DYNC2I1: variants seen among roughly 807,000 people sequenced by gnomAD.
DYNC2I1 encodes dynein 2 intermediate chain 1.
A neutral mutation model predicts 133.4 loss-of-function variants in DYNC2I1; 89 were observed. The observed-to-expected ratio is 0.67, with a 90% CI of 0.56 to 0.80. The LOEUF (loss-of-function observed/expected upper bound fraction) is 0.80, where lower values mean the gene tolerates loss of function less well. Ranked by LOEUF, DYNC2I1 falls within the 30% of genes least tolerant of loss-of-function variation. The probability of loss-of-function intolerance (pLI) is 0.00; values close to 1 mark genes in which losing one functional copy is unlikely to be tolerated. For synonymous variants in DYNC2I1, 504 were observed against 484.3 expected, an observed-to-expected ratio of 1.04 and a Z score of -0.54; for missense variants, 1,291 against 1,314.5, an observed-to-expected ratio of 0.98 and a Z score of 0.28.
intron 1 of DYNC2I1, among the ~76,000 whole-genome samples, chr7:158,856,972 G>GA (rs1486743663): frequency 6.6e-6 from 1 of 152,072 alleles, no homozygotes; most frequent in East Asian, 1.9e-4. Flanking sequence ...CGGCGGTCGG[G>GA]AGAGGCGGTC....
intron 11 of DYNC2I1, among the ~76,000 whole-genome samples, chr7:158,907,145 G>A (rs554424786): frequency 2.7e-5 from 4 of 147,886 alleles, no homozygotes; most frequent in African/African-American, 1.0e-4. Context: ...GTGGCAGAGC[G>A]AGACCCTGTC....
intron 8 of DYNC2I1, among the ~76,000 whole-genome samples, chr7:158,893,326 C>T (rs1462429383): frequency 6.6e-6 from 1 of 152,086 alleles, no homozygotes; most frequent in African/African-American, 2.4e-5. Context: ...TACAGCTGCT[C>T]CTCAACTTGT....
chr7:158,923,800 T>G, intron 17 of DYNC2I1, 67 bp downstream of exon 17: 1 of 1,547,440 alleles, frequency 6.5e-7, no homozygotes, highest in Non-Finnish European at 8.7e-7. Context: ...GGAACAAAGC[T>G]TTACATGGAT....
intron 2 of DYNC2I1, 85 bp downstream of exon 2, chr7:158,869,993 T>C: frequency 8.3e-7 from 1 of 1,207,882 alleles, no homozygotes; most frequent in Non-Finnish European, 1.2e-6. Context: ...CACAACACTG[T>C]ATAACTTTGG....
intron 3 of DYNC2I1, 77 bp downstream of exon 3, chr7:158,871,639 C>T: frequency 7.2e-7 from 1 of 1,386,804 alleles, no homozygotes; most frequent in Non-Finnish European, 9.5e-7. Context: ...TAGCTCGCTG[C>T]CTCCCCTCCC....
At chr7:158,876,228 G>A (rs1480842074) in intron 3 of DYNC2I1, among the ~76,000 whole-genome samples, 4 of 152,080 alleles carry the variant, frequency 2.6e-5, no homozygotes, top group African/African-American at 7.2e-5. Context: ...GGTGCCATAC[G>A]CTTTGAAACA....
intron 1 of DYNC2I1, among the ~76,000 whole-genome samples, chr7:158,864,794 C>T (rs1158596805): frequency 6.6e-6 from 1 of 152,214 alleles, no homozygotes; most frequent in Non-Finnish European, 1.5e-5. Flanking sequence ...GTGTGAGCCA[C>T]CATGCCTGGC....
At chr7:158,873,162 A>G (rs750799266) in intron 3 of DYNC2I1, among the ~76,000 whole-genome samples, 1 of 152,202 alleles carries the variant, frequency 6.6e-6, no homozygotes, top group Non-Finnish European at 1.5e-5. Flanking sequence ...TAGGAACTGT[A>G]AGGTAAAGGT....
chr7:158,915,372 G>A, intron 14 of DYNC2I1, among the ~76,000 whole-genome samples: 1 of 115,000 alleles, frequency 8.7e-6, no homozygotes, highest in South Asian at 2.8e-4. Flanking sequence ...CATTAAGGAT[G>A]ATTGTGAAAC....
At chr7:158,956,980 C>T (rs1563223921), downstream of DYNC2I1, among the ~76,000 whole-genome samples, 1 of 151,682 alleles carries the variant, frequency 6.6e-6, no homozygotes, top group Non-Finnish European at 1.5e-5. Flanking sequence ...CATCGGGCTC[C>T]TTGGCGATGA....
At chr7:158,906,277 G>A (rs1464494700) in intron 11 of DYNC2I1, among the ~76,000 whole-genome samples, 186 bp downstream of exon 11, 2 of 152,122 alleles carry the variant, frequency 1.3e-5, no homozygotes, top group African/African-American at 2.4e-5. Context: ...GAGCCGCTAC[G>A]TACCATGTGC....
rs146651952 is a variant in DYNC2I1 at position 158,945,832 on chromosome 7, T to G, written c.*53T>G. On this transcript the variant is annotated 3_prime_UTR_variant, in exon 25 of 25. Coordinates refer to ENST00000407559, the MANE Select transcript of DYNC2I1 (RefSeq NM_018051.5). The surrounding 1 kb of genome is among the most constrained non-coding windows in gnomAD (Gnocchi z 4.1). ...TGTAATGACCCAGATTTAAAAGACATAAGGTGGATAATTCTACATTTGTGT... is the reference window on the plus strand; with the variant it reads ...TGTAATGACCCAGATTTAAAAGACAGAAGGTGGATAATTCTACATTTGTGT... The G allele has an allele frequency of 2.4e-4, 344 of 1,438,730 alleles. 1 individual carries two copies. In the African/African-American group the frequency reaches 4.4e-3, roughly 18 times the overall value. 89.1% of individuals were successfully genotyped at this position (1,438,730 alleles called of 1,614,324 possible). A position where few individuals can be genotyped will look rare whatever the true frequency, so the allele number is the denominator to read the frequency against.
intron 23 of DYNC2I1, among the ~76,000 whole-genome samples, chr7:158,938,601 T>C (rs1025349340): frequency 6.6e-6 from 1 of 151,932 alleles, no homozygotes; most frequent in African/African-American, 2.4e-5. Context: ...ACTAAAAATA[T>C]AAAAATTAGC....
chr7:158,951,900 G>A (rs1362157598), intron 4 of DYNC2I1, among the ~76,000 whole-genome samples: 1 of 152,206 alleles, frequency 6.6e-6, no homozygotes, highest in Non-Finnish European at 1.5e-5. Context: ...AGTTTTAGAA[G>A]GATGTGTTCT....
intron 4 of DYNC2I1, among the ~76,000 whole-genome samples, chr7:158,878,383 G>C (rs570952474): frequency 1.2e-4 from 16 of 132,452 alleles, no homozygotes; most frequent in South Asian, 8.0e-4. Flanking sequence ...AGGGCCGACT[G>C]TGAATGCCGG....
rs545909976 is a variant in DYNC2I1 at position 158,862,961 on chromosome 7, T to C, written c.15+6211T>C. 1.3e-4 allele frequency among the ~76,000 whole-genome samples: 20 copies of C among 152,116 alleles called. 1 individual carries two copies. The highest frequency in any genetic ancestry group is 1.2e-3 in the South Asian group (6 of 4,804). ...CCGGTGGGTTCATGGTCTCGCTGACTTCAGGAGTGAAGCCCCAGACCTTTG... is the reference window on the plus strand; with the variant it reads ...CCGGTGGGTTCATGGTCTCGCTGACCTCAGGAGTGAAGCCCCAGACCTTTG... On this transcript the variant is annotated intron_variant, in intron 1 of 24. Transcript: ENST00000407559.
At chr7:158,850,807 A>G in the DYNC2I1 span, among the ~76,000 whole-genome samples, 1 of 152,178 alleles carries the variant, frequency 6.6e-6, no homozygotes, top group Non-Finnish European at 1.5e-5. Flanking sequence ...CCATAATAAA[A>G]TAAAAATAGT....
intron 1 of DYNC2I1, among the ~76,000 whole-genome samples, chr7:158,864,484 A>G (rs1227017647): frequency 1.3e-5 from 2 of 152,104 alleles, no homozygotes; most frequent in African/African-American, 4.8e-5. Flanking sequence ...ATAAGCAGAA[A>G]TAGTAGTATC....
chr7:158,871,277 A>G lies in DYNC2I1; in HGVS notation c.205A>G (p.Arg69Gly). 5 of 1,595,530 alleles carry G rather than the reference A, an allele frequency of 3.1e-6. No individual in the cohort carries two copies. The highest frequency in any genetic ancestry group is 1.1e-5 in the South Asian group (1 of 88,670). ...CGACCAGGATGCCAGGAGCAGAGAC[A>G]GGGTGGCCGAAGTCCACACCGCTAA... ...DPDQDARSRD[R>G]VAEVHTAKES... is the part of the protein sequence containing the mutation. Residue 69 changes from arginine to glycine, a missense_variant, in exon 3 of 25, where the codon AGG becomes GGG. By Grantham distance (125) the Arg-to-Gly change is moderately radical. Coordinates refer to ENST00000407559, the MANE Select transcript of DYNC2I1 (RefSeq NM_018051.5).
Sources: allele counts gnomAD v4.1 joint callset (sites outside exome capture counted in the v4.1 genomes callset), GRCh38; gene constraint gnomAD v4.1.1; non-coding constraint Gnocchi (gnomAD v3.1); transcripts MANE v1.5; gene names NCBI Gene and HGNC (gene_info 2026-07-23, HGNC 2026-07-21).